Variants in CHIC1 observed in about 807,000 individuals in gnomAD.
CHIC1 encodes the protein cysteine rich hydrophobic domain 1.
In CHIC1, 7 loss-of-function variants were observed where a neutral mutation model predicts 18.5. The ratio of observed to expected loss-of-function variants is 0.38; its 90% CI spans 0.22 to 0.71. The LOEUF is 0.71. Among genes scored for constraint, CHIC1 ranks in the 30% least tolerant of loss-of-function variants. CHIC1 has a pLI of 0.49. For synonymous variants in CHIC1, 77 were observed against 73.5 expected (o/e 1.05, Z -0.25); for missense variants, 159 against 176.9 (o/e 0.90, Z 0.57).
At chrX:73,669,590 G>T (rs757029467) in intron 3 of CHIC1, among the ~76,000 whole-genome samples, 76 of 109,862 alleles carry the variant, frequency 6.9e-4, no homozygotes, top group Non-Finnish European at 9.9e-4. Flanking sequence ...GATCCGCCTG[G>T]GAGGTCCTGC....
At chrX:73,579,495 T>G (rs1230749346) in intron 2 of CHIC1, among the ~76,000 whole-genome samples, 4 of 110,780 alleles carry the variant, frequency 3.6e-5, no homozygotes, top group African/African-American at 1.3e-4. Flanking sequence ...CATCTAATTC[T>G]AAGAGAATAC....
rs1479753253 is a variant in CHIC1 at position 73,593,773 on chromosome X, C to CT, written c.507+9207dup. Reference sequence around the variant, plus strand: ...TCAATTCCAGAAGTTCAGTTTGGTGCTTTTTTAATATGGTCATTTCATCTT... The same window carrying CT: ...TCAATTCCAGAAGTTCAGTTTGGTGCTTTTTTTAATATGGTCATTTCATCTT... On this transcript the variant is annotated intron_variant, in intron 3 of 5. Transcript: ENST00000373502. 2.7e-5 allele frequency among the ~76,000 whole-genome samples: 3 copies of CT among 111,235 alleles called. No individual in the cohort carries two copies. The East Asian group carries it at 8.6e-4, about 32-fold the overall frequency.
rs928683690 is a variant in CHIC1, at chrX:73,584,618, A to G, written c.507+46A>G. On this transcript the variant is annotated intron_variant, in intron 3 of 5. Coordinates refer to ENST00000373502, the MANE Select transcript of CHIC1 (RefSeq NM_001039840.4). ...ATAATAATAATAATAACTAACATTT[A>G]TGGAAAACTTACTATGTGCTATGAA... 4.1e-6 allele frequency: 4 copies of G among 975,458 alleles called. No homozygotes were observed. In the African/African-American group the frequency reaches 7.8e-5, roughly 19 times the overall value. The allele number at this position is 975,458 out of a possible 1,213,427, so 80.4% of individuals were successfully genotyped here. A position where few individuals can be genotyped will look rare whatever the true frequency, so the allele number is the denominator to read the frequency against.
intron 3 of CHIC1, among the ~76,000 whole-genome samples, chrX:73,625,188 G>T (rs2057778027): frequency 9.0e-6 from 1 of 110,914 alleles, no homozygotes; most frequent in Non-Finnish European, 1.9e-5. Context: ...TTGCATGGGG[G>T]ACCTGAATTA....
chrX:73,595,262 T>C (rs1428149993), intron 3 of CHIC1, among the ~76,000 whole-genome samples: 3 of 110,947 alleles, frequency 2.7e-5, no homozygotes, highest in Non-Finnish European at 5.7e-5. Context: ...CCATGGTGGT[T>C]TGCTGCACCT....
At chrX:73,567,248 G>A (rs764315250) in intron 1 of CHIC1, among the ~76,000 whole-genome samples, 9 of 110,078 alleles carry the variant, frequency 8.2e-5, no homozygotes, top group Non-Finnish European at 1.3e-4. Flanking sequence ...GTCTCTGCGT[G>A]GGCTCTTATC....
At position 73,660,106 on chromosome X, in the gene CHIC1, A is replaced by G. The variant is rs188035594; in HGVS notation, c.508-19220A>G. Among the ~76,000 whole-genome samples, 30 of 112,324 alleles carry G rather than the reference A, an allele frequency of 2.7e-4. No individual in the cohort carries two copies. The East Asian group carries it at 7.6e-3, about 28-fold the overall frequency. On this transcript the variant is annotated intron_variant, in intron 3 of 5. Coordinates refer to ENST00000373502, the MANE Select transcript of CHIC1 (RefSeq NM_001039840.4). ...GCTTTGTTCTTTAGCACAGGGAGGA[A>G]TGCTGGGGAAAGTAGCATTGGTGGC...
intron 3 of CHIC1, among the ~76,000 whole-genome samples, chrX:73,627,375 A>G (rs2057788588): frequency 8.9e-6 from 1 of 112,470 alleles, no homozygotes; most frequent in African/African-American, 3.2e-5. Context: ...AGCCAGGCCT[A>G]TGTCCTTCCC....
chrX:73,623,146 G>A (rs139475362), intron 3 of CHIC1, among the ~76,000 whole-genome samples: 212 of 111,576 alleles, frequency 1.9e-3, no homozygotes, highest in Middle Eastern at 4.7e-3. Flanking sequence ...GTGCTGAGAA[G>A]AACGTATATT....
In CHIC1 at chrX:73,670,541, G is replaced by C. The variant is rs1364221811; in HGVS notation, c.508-8785G>C. On this transcript the variant is annotated intron_variant, in intron 3 of 5. Transcript: ENST00000373502. ...AATTAGTAGACTAATTTTAGGTTTG[G>C]TTGGTTCTTGCTTTTCTAGTTCCTT... 2.7e-5 allele frequency among the ~76,000 whole-genome samples: 3 copies of C among 109,322 alleles called. No individual in the cohort carries two copies. The East Asian group carries it at 8.5e-4, about 31-fold the overall frequency. 94.9% of individuals were successfully genotyped at this position (109,322 alleles called of 115,157 possible). A position where few individuals can be genotyped will look rare whatever the true frequency, so the allele number is the denominator to read the frequency against.
At chrX:73,673,962 T>C (rs916656124) in intron 3 of CHIC1, among the ~76,000 whole-genome samples, 1 of 111,825 alleles carries the variant, frequency 8.9e-6, no homozygotes, top group Non-Finnish European at 1.9e-5. Flanking sequence ...GCATGAAGGG[T>C]TGTTGAATTT....
intron 3 of CHIC1, among the ~76,000 whole-genome samples, chrX:73,664,822 G>A (rs2057996659): frequency 9.0e-6 from 1 of 111,041 alleles, no homozygotes; most frequent in Non-Finnish European, 1.9e-5. Flanking sequence ...CTTGATTCTG[G>A]TTGGCTTGTT....
At chrX:73,614,365 T>C (rs1287337505) in intron 3 of CHIC1, among the ~76,000 whole-genome samples, 1 of 111,438 alleles carries the variant, frequency 9.0e-6, no homozygotes, top group Non-Finnish European at 1.9e-5. Context: ...TTGAATGGTA[T>C]CTATTTGGAG....
chrX:73,580,998 G>A (rs2057524062), intron 2 of CHIC1, among the ~76,000 whole-genome samples: 1 of 111,303 alleles, frequency 9.0e-6, no homozygotes, highest in Admixed American at 9.6e-5. Flanking sequence ...TCGAACAGAT[G>A]TATATACACA....
rs752279639 is a variant in CHIC1, at chrX:73,627,679, G to A, written c.507+43107G>A. ...GTCAGCTTGTGGTGAAAGCTGCCCA[G>A]CCTTCAAATCACCCTTCAGGGCAGT... On this transcript the variant is annotated intron_variant, in intron 3 of 5. Coordinates refer to ENST00000373502, the MANE Select transcript of CHIC1 (RefSeq NM_001039840.4). Among the ~76,000 whole-genome samples the A allele has an allele frequency of 2.7e-5, 3 of 111,464 alleles. No individual in the cohort carries two copies. In the East Asian group the frequency reaches 8.5e-4, roughly 32 times the overall value.
intron 3 of CHIC1, among the ~76,000 whole-genome samples, chrX:73,630,347 A>T (rs940442520): frequency 1.8e-5 from 2 of 111,499 alleles, no homozygotes; most frequent in African/African-American, 6.5e-5. Context: ...ATTCCTCAGG[A>T]TTTCATCATT....
intron 3 of CHIC1, among the ~76,000 whole-genome samples, chrX:73,623,959 G>A: frequency 9.0e-6 from 1 of 111,050 alleles, no homozygotes; most frequent in Admixed American, 9.6e-5. Context: ...TCATTTGCCA[G>A]TTTTAAAGTT....
chrX:73,566,255 C>G (rs942088957), intron 1 of CHIC1, among the ~76,000 whole-genome samples: 1 of 110,048 alleles, frequency 9.1e-6, no homozygotes, highest in African/African-American at 3.3e-5. Context: ...CCTCTCCCTA[C>G]TCCAGTCCAT....
intron 3 of CHIC1, among the ~76,000 whole-genome samples, chrX:73,628,028 G>C (rs1419664143): frequency 9.0e-6 from 1 of 111,313 alleles, no homozygotes; most frequent in African/African-American, 3.3e-5. Context: ...GCCAGGACTT[G>C]GTCCTTTCCT....
Sources: allele counts gnomAD v4.1 joint callset (sites outside exome capture counted in the v4.1 genomes callset), GRCh38; gene constraint gnomAD v4.1.1; transcripts MANE v1.5; gene names NCBI Gene and HGNC (gene_info 2026-07-23, HGNC 2026-07-21).